Variants in CMIP observed in about 807,000 individuals in gnomAD.
CMIP encodes c-Maf inducing protein.
A neutral mutation model predicts 97.3 loss-of-function variants in CMIP; 13 were observed. The ratio of observed to expected loss-of-function variants is 0.13; its 90% CI spans 0.09 to 0.21. CMIP has a LOEUF of 0.21. Among genes scored for constraint, CMIP ranks in the 10% least tolerant of loss-of-function variants. The probability of loss-of-function intolerance (pLI) is 1.00; values close to 1 mark genes in which losing one functional copy is unlikely to be tolerated. For synonymous variants in CMIP, 538 were observed against 436.3 expected (o/e 1.23, Z -2.91); for missense variants, 847 against 1,024.9 (o/e 0.83, Z 2.37).
chr16:81,598,140 G>T (rs2091594164), intron 1 of CMIP, among the ~76,000 whole-genome samples: 1 of 152,114 alleles, frequency 6.6e-6, no homozygotes, highest in Non-Finnish European at 1.5e-5. Flanking sequence ...TCGGGAAGAA[G>T]GTGTTTTGGA....
intron 9 of CMIP, among the ~76,000 whole-genome samples, chr16:81,673,862 G>A (rs1349496151): frequency 1.3e-5 from 2 of 152,182 alleles, no homozygotes; most frequent in Non-Finnish European, 2.9e-5. Context: ...ACAACTCCAA[G>A]GAGACCAACA....
chr16:81,452,883 T>G (rs1161421690), intron 1 of CMIP, among the ~76,000 whole-genome samples: 40 of 81,786 alleles, frequency 4.9e-4, no homozygotes, highest in African/African-American at 2.5e-3. Context: ...TTTTTTTGTT[T>G]TGTTTTTTTT....
intron 1 of CMIP, among the ~76,000 whole-genome samples, chr16:81,552,441 A>G (rs960911054): frequency 2.0e-5 from 3 of 152,184 alleles, no homozygotes; most frequent in African/African-American, 7.2e-5. Flanking sequence ...TAGGTGGGCT[A>G]TGTTAGGATG....
At chr16:81,654,255 A>ATTATTATTATTATTATTATT (rs2092459953) in intron 4 of CMIP, among the ~76,000 whole-genome samples, 1 of 151,906 alleles carries the variant, frequency 6.6e-6, no homozygotes, top group African/African-American at 2.4e-5. Flanking sequence ...TATTATTATT[A>ATTATTATTATTATTATTATT]ACAATGGGGT....
rs369949344 is a variant in CMIP, at chr16:81,505,287, A to C, written c.300+59746A>C. On this transcript the variant is annotated intron_variant, in intron 1 of 20. Coordinates refer to ENST00000537098, the MANE Select transcript of CMIP (RefSeq NM_198390.3). ...GTGGGTGAAGAGGGAAGGGAAGTGG[A>C]ATCCCTCATGTGTTCTGAAAAAGGA... Among the ~76,000 whole-genome samples, 260 of 152,334 alleles carry C rather than the reference A, an allele frequency of 1.7e-3. 3 individuals are homozygous for C. The highest frequency in any genetic ancestry group is 6.1e-3 in the African/African-American group (252 of 41,572).
intron 1 of CMIP, among the ~76,000 whole-genome samples, chr16:81,467,397 G>T (rs986213819): frequency 6.6e-6 from 1 of 152,126 alleles, no homozygotes; most frequent in African/African-American, 2.4e-5. Flanking sequence ...CTCCCCCTCT[G>T]TGAGGCTCCC....
chr16:81,670,022 C>A, intron 7 of CMIP, 120 bp from the exon 8 acceptor site: 1 of 912,964 alleles, frequency 1.1e-6, no homozygotes, highest in Non-Finnish European at 1.7e-6. Context: ...TCCCCATTGC[C>A]TTCCACATCA....
chr16:81,458,343 A>AGG (rs1276913682), intron 1 of CMIP, among the ~76,000 whole-genome samples: 3 of 152,116 alleles, frequency 2.0e-5, no homozygotes, highest in Non-Finnish European at 4.4e-5. Context: ...GGCTTGGTGA[A>AGG]GGGGGGTAGG....
intron 1 of CMIP, among the ~76,000 whole-genome samples, chr16:81,545,386 CT>C: frequency 6.6e-6 from 1 of 152,196 alleles, no homozygotes; most frequent in Non-Finnish European, 1.5e-5. Context: ...GGAGCAGAAG[CT>C]TAGGTTCTGT....
chr16:81,705,049 C>T (rs1907976130), intron 18 of CMIP, among the ~76,000 whole-genome samples: 1 of 152,114 alleles, frequency 6.6e-6, no homozygotes, highest in African/African-American at 2.4e-5. Context: ...CTGCACAGGG[C>T]AGATGAAGGG....
intron 3 of CMIP, among the ~76,000 whole-genome samples, chr16:81,634,256 A>G (rs967731849): frequency 2.0e-4 from 31 of 152,182 alleles, no homozygotes; most frequent in Admixed American, 1.8e-3. Context: ...ACTGTTTTCC[A>G]TCTACTTTAT....
intron 2 of CMIP, among the ~76,000 whole-genome samples, chr16:81,615,186 G>A (rs1367165274): frequency 8.9e-6 from 1 of 112,648 alleles, no homozygotes; most frequent in African/African-American, 3.4e-5. Flanking sequence ...GTACGTGTAT[G>A]TGTGGTGTGT....
At chr16:81,503,728 C>G (rs536966959) in intron 1 of CMIP, among the ~76,000 whole-genome samples, 3 of 152,240 alleles carry the variant, frequency 2.0e-5, no homozygotes, top group Non-Finnish European at 2.9e-5. Flanking sequence ...GTCTGGTCAC[C>G]TTATCTCACT....
chr16:81,495,486 G>T, intron 1 of CMIP: 2 of 1,613,266 alleles, frequency 1.2e-6, no homozygotes, highest in Non-Finnish European at 1.7e-6. Context: ...GATGGGACAG[G>T]CTGCTGAGGT....
In CMIP at chr16:81,474,306, C is replaced by T. The variant is rs190501153; in HGVS notation, c.300+28765C>T. Among the ~76,000 whole-genome samples, 293 of 152,084 alleles carry T rather than the reference C, an allele frequency of 1.9e-3. 1 individual carries two copies. Among genetic ancestry groups the T allele is most frequent in the Non-Finnish European group, 3.1e-3 (213 of 67,960 alleles). On this transcript the variant is annotated intron_variant, in intron 1 of 20. Coordinates refer to ENST00000537098, the MANE Select transcript of CMIP (RefSeq NM_198390.3). The stretch of plus-strand genomic sequence containing the variant: ...TGACTTACCCTCCCTCCCTCTCTCC[C>T]TACTGTCTCCATTCTTCTCTTTCCC...
At chr16:81,679,223 G>A (rs1310897540) in intron 10 of CMIP, among the ~76,000 whole-genome samples, 1 of 152,104 alleles carries the variant, frequency 6.6e-6, no homozygotes, top group Non-Finnish European at 1.5e-5. Flanking sequence ...AGAGATGGGT[G>A]TGGGCATGCC....
At chr16:81,544,293 G>A (rs183027962) in intron 1 of CMIP, among the ~76,000 whole-genome samples, 31 of 152,362 alleles carry the variant, frequency 2.0e-4, no homozygotes, top group Admixed American at 1.0e-3. Flanking sequence ...ACCGAGGCTG[G>A]AGGGTCATGC....
intron 1 of CMIP, among the ~76,000 whole-genome samples, chr16:81,573,877 C>G (rs1028263136): frequency 6.6e-6 from 1 of 152,214 alleles, no homozygotes; most frequent in South Asian, 2.1e-4. Context: ...AGTGTCCTGA[C>G]TCCTCTTGAG....
At chr16:81,649,613 T>G (rs564971971) in intron 3 of CMIP, among the ~76,000 whole-genome samples, 1 of 152,394 alleles carries the variant, frequency 6.6e-6, no homozygotes, top group Admixed American at 6.5e-5. Flanking sequence ...TATCCTCTTC[T>G]TTGTGCTTTT....
Sources: gnomAD v4.1 joint callset for allele counts (sites outside exome capture counted in the v4.1 genomes callset) on GRCh38, gnomAD v4.1.1 for gene constraint, MANE v1.5 for transcripts, NCBI Gene and HGNC (gene_info 2026-07-23, HGNC 2026-07-21) for gene names.